ANKRD42: variants seen among roughly 807,000 people sequenced by gnomAD.
The protein encoded by ANKRD42 is ankyrin repeat domain-containing protein 42.
Under a neutral mutation model 51.5 loss-of-function variants are expected in ANKRD42, and 43 were observed. That is an observed-to-expected ratio of 0.83 (90% CI 0.65 to 1.08). ANKRD42 has a LOEUF of 1.08. Ranked by LOEUF, ANKRD42 falls within the 50% of genes least tolerant of loss-of-function variation. The probability of loss-of-function intolerance (pLI) is 0.00; values close to 1 mark genes in which losing one functional copy is unlikely to be tolerated. For synonymous variants in ANKRD42, 203 were observed against 213.0 expected (o/e 0.95, Z 0.41); for missense variants, 608 against 629.3 (o/e 0.97, Z 0.36).
chr11:83,234,512 C>T (rs914077308), intron 7 of ANKRD42, among the ~76,000 whole-genome samples: 2 of 152,098 alleles, frequency 1.3e-5, no homozygotes, highest in African/African-American at 4.8e-5. Context: ...AGTCACATAT[C>T]CTAATCAATA....
At chr11:83,206,557 A>G (rs1375074133) in intron 3 of ANKRD42, among the ~76,000 whole-genome samples, 1 of 152,218 alleles carries the variant, frequency 6.6e-6, no homozygotes, top group East Asian at 1.9e-4. Flanking sequence ...GTTTGCCCTC[A>G]TAAATGGGAT....
chr11:83,198,424 T>C, intron 1 of ANKRD42, 55 bp from the exon 2 acceptor site: 2 of 1,521,824 alleles, frequency 1.3e-6, no homozygotes, highest in South Asian at 1.2e-5. Flanking sequence ...GTTTTAGTCT[T>C]TTTTTTTCTT....
chr11:83,206,230 T>C, intron 3 of ANKRD42, 65 bp downstream of exon 3: 1 of 1,262,996 alleles, frequency 7.9e-7, no homozygotes, highest in African/African-American at 1.5e-5. Context: ...GATATTGCTA[T>C]TATTCTAATT....
At chr11:83,262,105 A>G (rs963704437), downstream of ANKRD42, 42 of 565,904 alleles carry the variant, frequency 7.4e-5, no homozygotes, top group African/African-American at 7.5e-4. Context: ...TTTATTCCCT[A>G]GACAATTAAG....
chr11:83,263,687 G>C (rs1327619852), downstream of ANKRD42, among the ~76,000 whole-genome samples: 1 of 152,158 alleles, frequency 6.6e-6, no homozygotes, highest in Non-Finnish European at 1.5e-5. Context: ...TTAAAAATTG[G>C]AACTAAGGAA....
intron 5 of ANKRD42, among the ~76,000 whole-genome samples, chr11:83,222,657 G>A (rs1862749785): frequency 1.3e-5 from 2 of 152,158 alleles, no homozygotes; most frequent in Non-Finnish European, 2.9e-5. Context: ...CCTGAGGGAG[G>A]GATGTGCGTG....
intron 5 of ANKRD42, among the ~76,000 whole-genome samples, chr11:83,217,355 C>T (rs1368095307): frequency 6.6e-6 from 1 of 152,132 alleles, no homozygotes; most frequent in Non-Finnish European, 1.5e-5. Context: ...TATGTTCCTC[C>T]CTAATAAGGG....
At chr11:83,213,552 A>T in intron 5 of ANKRD42, 1 of 1,241,662 alleles carries the variant, frequency 8.1e-7, no homozygotes, top group Non-Finnish European at 1.0e-6. Context: ...TGGTATTATT[A>T]GTTTTTTTTT....
chr11:83,232,101 CTT>C (rs59648047), intron 7 of ANKRD42, among the ~76,000 whole-genome samples: 43 of 140,508 alleles, frequency 3.1e-4, no homozygotes, highest in African/African-American at 5.7e-4. Context: ...TAAATTTTAG[CTT>C]TTTTTTTTTT....
In ANKRD42 at chr11:83,193,731, G is replaced by A. The variant is rs1841602780; in HGVS notation, c.-940G>A. The A allele has an allele frequency of 2.4e-6, 1 of 411,252 alleles. No individual in the cohort carries two copies. Among genetic ancestry groups the A allele is most frequent in the African/African-American group, 2.1e-5 (1 of 47,718 alleles). 25.5% of individuals were successfully genotyped at this position (411,252 alleles called of 1,614,324 possible). A position where few individuals can be genotyped will look rare whatever the true frequency, so the allele number is the denominator to read the frequency against. On this transcript the variant is annotated 5_prime_UTR_variant, in exon 1 of 11. Coordinates refer to ENST00000533342, the MANE Select transcript of ANKRD42 (RefSeq NM_001300975.2). ...AAGTGTACTCGTTTCCAAGGCGACG[G>A]CCCTGCTGCCTCTCCAGCCAAGTGG... is the stretch of plus-strand genomic sequence containing the variant.
Position 83,227,753 on chromosome 11 carries a change from C to T in ANKRD42, c.794C>T (p.Ala265Val), listed in dbSNP as rs1195400460. 3 of 1,607,616 alleles carry T rather than the reference C, an allele frequency of 1.9e-6. No individual in the cohort carries two copies. The highest frequency in any genetic ancestry group is 2.5e-6 in the Non-Finnish European group (3 of 1,178,164). The change falls in exon 7 of 11, where the codon GCA (alanine) becomes GTA (valine). Residue 265 changes from alanine to valine, a missense_variant. Physicochemically the swap from Ala to Val is moderately conservative, Grantham distance 64. Transcript: ENST00000533342. The part of the protein sequence containing the change: ...GKDLEDQETL[A>V]FPGHVAAFKG... The stretch of plus-strand genomic sequence containing the variant: ...TGAATTTTTTTATTCATAGCTTTAG[C>T]ATTTCCAGGTCATGTGGCTGCCTTT...
At chr11:83,220,888 T>C (rs1405862604) in intron 5 of ANKRD42, among the ~76,000 whole-genome samples, 1 of 149,918 alleles carries the variant, frequency 6.7e-6, no homozygotes, top group African/African-American at 2.5e-5. Flanking sequence ...TGAATCTGTT[T>C]GGTGTTCTGA....
chr11:83,209,487 A>G (rs1862221541), intron 3 of ANKRD42: 2 of 1,260,874 alleles, frequency 1.6e-6, no homozygotes, highest in Non-Finnish European at 1.2e-6. Flanking sequence ...GACATAGCCA[A>G]GCTGGTCCGT....
intron 5 of ANKRD42, chr11:83,213,043 C>G (rs758620815): frequency 6.2e-7 from 1 of 1,600,044 alleles, no homozygotes; most frequent in Non-Finnish European, 8.5e-7. Flanking sequence ...CCAGGATCAT[C>G]AAAAAGAGAA....
intron 1 of ANKRD42, among the ~76,000 whole-genome samples, chr11:83,197,969 A>G (rs866734085): frequency 2.0e-5 from 3 of 152,220 alleles, no homozygotes; most frequent in African/African-American, 7.2e-5. Context: ...TGCCAAAAAC[A>G]TGAGTTCCTG....
At chr11:83,256,278 A>G (rs1863772997), downstream of ANKRD42, among the ~76,000 whole-genome samples, 1 of 152,204 alleles carries the variant, frequency 6.6e-6, no homozygotes, top group African/African-American at 2.4e-5. Context: ...AAATTCAATT[A>G]TGGTTCCACA....
At chr11:83,232,205 A>G (rs1863092853) in intron 7 of ANKRD42, among the ~76,000 whole-genome samples, 2 of 151,736 alleles carry the variant, frequency 1.3e-5, no homozygotes, top group Non-Finnish European at 2.9e-5. Flanking sequence ...CATTTTAACA[A>G]TATTGATTCT....
At chr11:83,229,563 G>T (rs187825577) in intron 7 of ANKRD42, among the ~76,000 whole-genome samples, 2 of 152,292 alleles carry the variant, frequency 1.3e-5, no homozygotes, top group South Asian at 2.1e-4. Flanking sequence ...TTTTCAGCCT[G>T]TCCTAGTCAT....
At chr11:83,242,567 G>GTTTTTTTTTTGTTTTTTTTT (rs770772334) in intron 9 of ANKRD42, among the ~76,000 whole-genome samples, 1 of 115,546 alleles carries the variant, frequency 8.7e-6, no homozygotes, top group African/African-American at 3.5e-5. Flanking sequence ...TGGTAGTTAA[G>GTTTTTTTTTTGTTTTTTTTT]TTTTTTTTTT....
Sources: gnomAD v4.1 joint callset for allele counts (sites outside exome capture counted in the v4.1 genomes callset) on GRCh38, gnomAD v4.1.1 for gene constraint, MANE v1.5 for transcripts, NCBI Gene and HGNC (gene_info 2026-07-23, HGNC 2026-07-21) for gene names.